The following PHF12 variants were observed in gnomAD, a reference collection of about 807,000 sequenced individuals.
PHF12 encodes the protein PHD finger protein 12, also known as PHD factor 1.
PHF12 carries 6 observed loss-of-function variants against 99.8 expected under a neutral mutation model. That is an observed-to-expected ratio of 0.06 (90% CI 0.03 to 0.12). The LOEUF is 0.12. Ranked by LOEUF, PHF12 falls within the 10% of genes least tolerant of loss-of-function variation. The pLI is 1.00. For synonymous variants in PHF12, 480 were observed against 514.9 expected, an observed-to-expected ratio of 0.93 and a Z score of 0.92; for missense variants, 954 against 1,300.1, an observed-to-expected ratio of 0.73 and a Z score of 4.09.
At chr17:28,944,560 T>C (rs2040686723) in intron 2 of PHF12, 1 of 970,748 alleles carries the variant, frequency 1.0e-6, no homozygotes, top group African/African-American at 1.8e-5. Flanking sequence ...GGCAGGAGAA[T>C]CACTTGAACC....
At chr17:28,922,314 C>T (rs2040181392) in intron 4 of PHF12, among the ~76,000 whole-genome samples, 1 of 152,044 alleles carries the variant, frequency 6.6e-6, no homozygotes, top group Admixed American at 6.5e-5. Context: ...GACTGGTCTC[C>T]AATTCCTGGC....
rs2040812952 is a variant in PHF12 at position 28,951,434 on chromosome 17, G to C, written c.-474C>G. ...GCCTCTCGCCGCCGCCGCCGTCTGC[G>C]TCCCGGCTGCCGCGCACTTGGCGCA... On this transcript the variant is annotated 5_prime_UTR_variant, in exon 1 of 15. Transcript: ENST00000332830. The C allele has an allele frequency of 1.1e-5, 11 of 986,858 alleles. No homozygotes were observed. Among genetic ancestry groups the C allele is most frequent in the African/African-American group, 1.7e-5 (1 of 57,272 alleles). 61.1% of individuals were successfully genotyped at this position (986,858 alleles called of 1,614,324 possible). A position where few individuals can be genotyped will look rare whatever the true frequency, so the allele number is the denominator to read the frequency against.
rs148985840 is a variant in PHF12, at chr17:28,915,411, G to T, written c.1135-1374C>A. ...GAAGAGCAGATGTGGAGAGGCAGAAGACTTCTGGTCTTATGGAGGAGGTTC... is the reference window on the plus strand; with the variant it reads ...GAAGAGCAGATGTGGAGAGGCAGAATACTTCTGGTCTTATGGAGGAGGTTC... On this transcript the variant is annotated intron_variant, in intron 7 of 14. Coordinates refer to ENST00000332830, the MANE Select transcript of PHF12 (RefSeq NM_001033561.2). Among the ~76,000 whole-genome samples the T allele has an allele frequency of 9.2e-4, 124 of 135,104 alleles. No homozygotes were observed. The East Asian group carries it at 0.022, about 24-fold the overall frequency. The allele number at this position is 135,104 out of a possible 152,430, so 88.6% of individuals were successfully genotyped here.
chr17:28,905,933 C>A lies in PHF12; in HGVS notation c.*250G>T. 2.6e-6 allele frequency: 1 copy of A among 391,346 alleles called. No homozygotes were observed. 24.2% of individuals were successfully genotyped at this position (391,346 alleles called of 1,614,324 possible). ...TCTTTCCCTCCCTGCCCACGCTGTT[C>A]CTCAGCTCAGGTCTGCCGCTTTCCC... On this transcript the variant is annotated 3_prime_UTR_variant, in exon 15 of 15. Coordinates refer to ENST00000332830, the MANE Select transcript of PHF12 (RefSeq NM_001033561.2).
At chr17:28,910,614 T>C (rs1210459954) in intron 10 of PHF12, 1 of 558,346 alleles carries the variant, frequency 1.8e-6, no homozygotes, top group East Asian at 3.1e-5. Context: ...CTGATTTTAA[T>C]TAAAGTGCCC....
Position 28,944,203 on chromosome 17 carries a change from C to T in PHF12, c.248+5862G>A, listed in dbSNP as rs183816573. On this transcript the variant is annotated intron_variant, in intron 2 of 14. Transcript: ENST00000332830. ...CTGTCCTAATATATTATTAGTGGAG[C>T]TATATGTAAAGTACTTAGTGAGCCT... Among the ~76,000 whole-genome samples the T allele has an allele frequency of 3.7e-4, 56 of 152,212 alleles. 1 individual carries two copies. Among genetic ancestry groups the T allele is most frequent in the Non-Finnish European group, 6.5e-4 (44 of 68,020 alleles).
chr17:28,924,841 C>G (rs1186164719), intron 3 of PHF12: 1 of 161,242 alleles, frequency 6.2e-6, no homozygotes, highest in Non-Finnish European at 1.4e-5. Flanking sequence ...ATCCCAGCTA[C>G]TCAGGAGGCT....
At chr17:28,935,428 C>T (rs537815660) in intron 2 of PHF12, among the ~76,000 whole-genome samples, 2 of 152,212 alleles carry the variant, frequency 1.3e-5, no homozygotes, top group East Asian at 3.9e-4. Flanking sequence ...TGCACCACCA[C>T]ACTGGGCTAA....
At chr17:28,944,987 C>G (rs1378760718) in intron 2 of PHF12, 1 of 152,218 alleles carries the variant, frequency 6.6e-6, no homozygotes, top group Non-Finnish European at 1.5e-5. Flanking sequence ...CTTAAAAGTT[C>G]AAACAGGTTG....
intron 6 of PHF12, among the ~76,000 whole-genome samples, chr17:28,918,428 T>G (rs1312464999): frequency 6.6e-6 from 1 of 152,272 alleles, no homozygotes. Context: ...TTCTCTTCCA[T>G]GTGTGCAAGT....
At position 28,911,186 on chromosome 17, in the gene PHF12, G is replaced by C; in HGVS notation, c.2141C>G (p.Pro714Arg). The C allele has an allele frequency of 1.2e-6, 2 of 1,614,152 alleles. No individual in the cohort carries two copies. The highest frequency in any genetic ancestry group is 1.7e-6 in the Non-Finnish European group (2 of 1,180,022). The change falls in exon 10 of 15, where the codon CCC (proline) becomes CGC (arginine). Residue 714 changes from proline (P) to arginine (R), a missense_variant. Pro to Arg is a moderately radical substitution (Grantham distance 103). Coordinates refer to ENST00000332830, the MANE Select transcript of PHF12 (RefSeq NM_001033561.2). The stretch of plus-strand genomic sequence containing the variant: ...GGCAGTAGAGTTGGCTGGGAAAGAG[G>C]GTACGGTTAAAGCGCTTCCTATGGA... ...TLSIGSALTVPSFPANSTAMV... is the reference protein window; with the variant it reads ...TLSIGSALTVRSFPANSTAMV...
rs565750023 is a variant in PHF12, at chr17:28,928,845, C to G, written c.249-1782G>C. On this transcript the variant is annotated intron_variant, in intron 2 of 14. Coordinates refer to ENST00000332830, the MANE Select transcript of PHF12 (RefSeq NM_001033561.2). ...AGGCATGGTGGCTTACACTTGTAAT[C>G]CCAGCACTTTGGGAGGCCGAGGCAG... Among the ~76,000 whole-genome samples, 149 of 152,156 alleles carry G rather than the reference C, an allele frequency of 9.8e-4. 1 individual carries two copies. Among genetic ancestry groups the G allele is most frequent in the African/African-American group, 3.4e-3 (140 of 41,492 alleles).
intron 3 of PHF12, chr17:28,926,625 A>C: frequency 2.2e-6 from 1 of 447,952 alleles, no homozygotes; most frequent in Non-Finnish European, 3.9e-6. Flanking sequence ...CCAGTGACTT[A>C]TTTGCCCTGG....
rs897950988 is a variant in PHF12, at chr17:28,926,881, A to G, written c.321+110T>C. On this transcript the variant is annotated intron_variant, in intron 3 of 14. Transcript: ENST00000332830. Reference sequence around the variant, plus strand: ...AGTGGGGTGATTCCAGGGCTGGAAGAGACAAGAAGAAGGGACAAGAATGCC... The same window carrying G: ...AGTGGGGTGATTCCAGGGCTGGAAGGGACAAGAAGAAGGGACAAGAATGCC... 1.9e-6 allele frequency: 3 copies of G among 1,585,180 alleles called. No individual in the cohort carries two copies. The African/African-American group carries it at 4.0e-5, about 21-fold the overall frequency.
intron 2 of PHF12, among the ~76,000 whole-genome samples, chr17:28,941,186 G>T (rs1055738107): frequency 6.6e-6 from 1 of 152,018 alleles, no homozygotes; most frequent in African/African-American, 2.4e-5. Flanking sequence ...CTACTTAACT[G>T]CATACCCAAG....
At position 28,940,920 on chromosome 17, in the gene PHF12, C is replaced by T. The variant is rs149638789; in HGVS notation, c.248+9145G>A. ...CTGTCCTGTATTCTCTTGGGAGGCA[C>T]GCATTATGCAGAGGTTCTCTTCTAA... On this transcript the variant is annotated intron_variant, in intron 2 of 14. Transcript: ENST00000332830. 1.8e-3 allele frequency among the ~76,000 whole-genome samples: 273 copies of T among 152,192 alleles called. 1 individual carries two copies. Among genetic ancestry groups the T allele is most frequent in the African/African-American group, 6.4e-3 (264 of 41,508 alleles).
chr17:28,939,392 G>A (rs752283738), intron 2 of PHF12, among the ~76,000 whole-genome samples: 43 of 152,214 alleles, frequency 2.8e-4, no homozygotes, highest in Non-Finnish European at 4.6e-4. Context: ...CAAGTTACAG[G>A]TTTAGGCACA....
chr17:28,916,560 T>A (rs1262978392), intron 7 of PHF12, among the ~76,000 whole-genome samples: 2 of 152,166 alleles, frequency 1.3e-5, no homozygotes, highest in Non-Finnish European at 2.9e-5. Context: ...CTGGTTTCTG[T>A]TAGCACATAA....
intron 8 of PHF12, 113 bp downstream of exon 8, chr17:28,913,766 G>T: frequency 7.1e-7 from 1 of 1,417,324 alleles, no homozygotes; most frequent in Non-Finnish European, 9.5e-7. Context: ...GAGGGGTTAG[G>T]ATGAGGGTGG....
Sources: gnomAD v4.1 joint callset for allele counts (sites outside exome capture counted in the v4.1 genomes callset) on GRCh38, gnomAD v4.1.1 for gene constraint, MANE v1.5 for transcripts, NCBI Gene and HGNC (gene_info 2026-07-23, HGNC 2026-07-21) for gene names.